Variants in FAM107B observed in about 807,000 individuals in gnomAD.
FAM107B encodes protein FAM107B.
In FAM107B, 21 loss-of-function variants were observed where a neutral mutation model predicts 31.5. The observed-to-expected ratio is 0.67, with a 90% CI of 0.47 to 0.96. The LOEUF (loss-of-function observed/expected upper bound fraction) is 0.96. FAM107B is among the 40% of genes least tolerant of loss of function. The probability of loss-of-function intolerance (pLI) is 0.00; values close to 1 mark genes in which losing one functional copy is unlikely to be tolerated. For missense variants in FAM107B, 452 were observed against 377.1 expected (o/e 1.20, Z -1.64); for synonymous variants, 157 against 141.5 (o/e 1.11, Z -0.78).
intron 1 of FAM107B, among the ~76,000 whole-genome samples, chr10:14,713,893 T>C (rs1417578315): frequency 6.6e-6 from 1 of 151,974 alleles, no homozygotes; most frequent in East Asian, 1.9e-4. Context: ...ATGGATGGAG[T>C]TGGAGGTCAT....
At position 14,521,112 on chromosome 10, in the gene FAM107B, G is replaced by A; in HGVS notation, c.*78C>T. On this transcript the variant is annotated 3_prime_UTR_variant, in exon 5 of 5. Coordinates refer to ENST00000181796, the MANE Select transcript of FAM107B (RefSeq NM_031453.4). ...TCTGCTGGCTGAAATATTCTCCAGG[G>A]GCTTTTGCCCTGAGATTGAGAAGGC... 1 of 1,100,858 alleles carries A rather than the reference G, an allele frequency of 9.1e-7. No individual in the cohort carries two copies. The highest frequency in any genetic ancestry group is 2.2e-5 in the Admixed American group (1 of 44,772). The allele number at this position is 1,100,858 out of a possible 1,614,324, so 68.2% of individuals were successfully genotyped here.
chr10:14,726,145 C>G (rs1338472283), intron 1 of FAM107B, among the ~76,000 whole-genome samples: 2 of 152,176 alleles, frequency 1.3e-5, no homozygotes, highest in East Asian at 1.9e-4. Context: ...AGGCTTGCAC[C>G]ACCACACCTG....
intron 2 of FAM107B, among the ~76,000 whole-genome samples, chr10:14,566,032 G>C (rs532347203): frequency 6.6e-6 from 1 of 152,196 alleles, no homozygotes; most frequent in African/African-American, 2.4e-5. Context: ...CCATGCCTGA[G>C]GGGCCCTACG....
intron 2 of FAM107B, among the ~76,000 whole-genome samples, chr10:14,606,096 T>C (rs1025335694): frequency 3.3e-5 from 5 of 152,128 alleles, no homozygotes; most frequent in Non-Finnish European, 7.4e-5. Context: ...TGCTTCCTGC[T>C]ACATGATCAA....
chr10:14,529,959 A>ACCTTC (rs1174566750), intron 3 of FAM107B: 1 of 183,740 alleles, frequency 5.4e-6, no homozygotes, highest in East Asian at 1.6e-4. Flanking sequence ...TGATTCCTAC[A>ACCTTC]CCTTCCCCAG....
intron 2 of FAM107B, among the ~76,000 whole-genome samples, chr10:14,555,349 AAAT>A (rs1466246706): frequency 6.6e-6 from 1 of 152,244 alleles, no homozygotes. Flanking sequence ...CTACTGGATT[AAAT>A]AATATTATCT....
chr10:14,584,980 T>G (rs1851777002), intron 2 of FAM107B, among the ~76,000 whole-genome samples: 1 of 152,156 alleles, frequency 6.6e-6, no homozygotes, highest in East Asian at 1.9e-4. Context: ...TAACTTCGCT[T>G]CAGCCTCTGA....
chr10:14,557,848 T>A (rs1849836462), intron 2 of FAM107B, among the ~76,000 whole-genome samples: 1 of 152,168 alleles, frequency 6.6e-6, no homozygotes. Flanking sequence ...CCCAGCCAGG[T>A]CCCAGCCAGG....
chr10:14,568,420 G>A (rs985957759), intron 2 of FAM107B, among the ~76,000 whole-genome samples: 5 of 149,784 alleles, frequency 3.3e-5, no homozygotes, highest in African/African-American at 1.2e-4. Flanking sequence ...TGATCCCAGG[G>A]TTAGACGAGG....
At position 14,650,786 on chromosome 10, in the gene FAM107B, T is replaced by C. The variant is rs907735856; in HGVS notation, c.469+16848A>G. ...TTAGCTTTCTTTCTATTTTGTTATA[T>C]CACTAAATTTCAAGAAGTCGTATAT... On this transcript the variant is annotated intron_variant, in intron 2 of 4. Coordinates refer to ENST00000181796, the MANE Select transcript of FAM107B (RefSeq NM_031453.4). Among the ~76,000 whole-genome samples, 3 of 152,200 alleles carry C rather than the reference T, an allele frequency of 2.0e-5. No homozygotes were observed. In the East Asian group the frequency reaches 5.8e-4, roughly 29 times the overall value.
intron 2 of FAM107B, among the ~76,000 whole-genome samples, chr10:14,594,151 C>G (rs757441071): frequency 5.3e-5 from 8 of 152,160 alleles, no homozygotes; most frequent in Non-Finnish European, 1.0e-4. Context: ...ACAAATGGAT[C>G]ACTTTAAGAC....
At chr10:14,577,093 T>G (rs771242909) in intron 2 of FAM107B, among the ~76,000 whole-genome samples, 1 of 152,234 alleles carries the variant, frequency 6.6e-6, no homozygotes, top group South Asian at 2.1e-4. Context: ...CTGCTTATGA[T>G]GAAATCTTAC....
Position 14,774,519 on chromosome 10 carries a change from G to A in FAM107B, c.145C>T (p.His49Tyr). The A allele has an allele frequency of 6.2e-7, 1 of 1,614,192 alleles. No individual in the cohort carries two copies. Among genetic ancestry groups the A allele is most frequent in the Non-Finnish European group, 8.5e-7 (1 of 1,180,040 alleles). The change falls in exon 1 of 5, where the codon CAT becomes TAT. Residue 49 changes from histidine to tyrosine, a missense_variant. Transcript: ENST00000181796. ...ACAGGCTGCACACGGACGGTGGAAT[G>A]AGTATCAGCCACGCCGGACTGATTG... ...SFNQSGVADT[H>Y]STVRVQPVAK...
chr10:14,551,895 G>T (rs1849298132), intron 2 of FAM107B, among the ~76,000 whole-genome samples: 1 of 152,014 alleles, frequency 6.6e-6, no homozygotes, highest in Non-Finnish European at 1.5e-5. Flanking sequence ...CTTCTTGGTG[G>T]CCTGTGACAC....
Position 14,774,340 on chromosome 10 carries a change from C to T in FAM107B, c.324G>A (p.Val108=). Residue 108 remains valine (V), a synonymous_variant, in exon 1 of 5, where the codon GTG becomes GTA. Coordinates refer to ENST00000181796, the MANE Select transcript of FAM107B (RefSeq NM_031453.4). ...AAQPAETPED[V]PGSLDDGADC... is the part of the protein sequence containing the mutation. Reference sequence around the variant, plus strand: ...CCGCCCCATCATCCAGGGACCCGGGCACATCTTCAGGCGTCTCCGCGGGCT... The same window carrying T: ...CCGCCCCATCATCCAGGGACCCGGGTACATCTTCAGGCGTCTCCGCGGGCT... 6.2e-7 allele frequency: 1 copy of T among 1,614,232 alleles called. No individual in the cohort carries two copies. Among genetic ancestry groups the T allele is most frequent in the Non-Finnish European group, 8.5e-7 (1 of 1,180,046 alleles).
chr10:14,583,406 G>C (rs1373076216), intron 2 of FAM107B, among the ~76,000 whole-genome samples: 2 of 152,130 alleles, frequency 1.3e-5, no homozygotes, highest in Non-Finnish European at 2.9e-5. Flanking sequence ...CAGATGACAT[G>C]AAGCGCAGGA....
chr10:14,533,595 C>T (rs1160820777), intron 2 of FAM107B, among the ~76,000 whole-genome samples: 5 of 152,322 alleles, frequency 3.3e-5, no homozygotes, highest in African/African-American at 7.2e-5. Flanking sequence ...GCCTGCCCTC[C>T]GCTTTCCGTC....
At chr10:14,750,837 C>T (rs376436939) in intron 1 of FAM107B, among the ~76,000 whole-genome samples, 2 of 152,208 alleles carry the variant, frequency 1.3e-5, no homozygotes, top group East Asian at 1.9e-4. Context: ...GGGAAGGGGG[C>T]TCCAAGGGTG....
intron 1 of FAM107B, among the ~76,000 whole-genome samples, chr10:14,736,099 G>T (rs1383727295): frequency 1.3e-5 from 2 of 152,108 alleles, no homozygotes; most frequent in East Asian, 3.9e-4. Context: ...CTAAAAGATG[G>T]CAGTCCCCCT....
Sources: allele counts gnomAD v4.1 joint callset (sites outside exome capture counted in the v4.1 genomes callset), GRCh38; gene constraint gnomAD v4.1.1; transcripts MANE v1.5; gene names NCBI Gene and HGNC (gene_info 2026-07-23, HGNC 2026-07-21).